MICAL3: variants seen among roughly 807,000 people sequenced by gnomAD.
The protein encoded by MICAL3 is [F-actin]-monooxygenase MICAL3.
In MICAL3, 62 loss-of-function variants were observed where a neutral mutation model predicts 207.4. The observed-to-expected ratio is 0.30, with a 90% CI of 0.24 to 0.37. The LOEUF is 0.37. MICAL3 is among the 10% of genes least tolerant of loss of function. The pLI, the probability that MICAL3 is intolerant of heterozygous loss-of-function variation, is 1.00. For synonymous variants in MICAL3, 1,077 were observed against 1,069.3 expected (o/e 1.01, Z -0.14); for missense variants, 2,368 against 2,635.6 (o/e 0.90, Z 2.22).
At chr22:17,874,595 G>C (rs1241882801) in intron 16 of MICAL3, among the ~76,000 whole-genome samples, 3 of 152,238 alleles carry the variant, frequency 2.0e-5, no homozygotes, top group Non-Finnish European at 4.4e-5. Context: ...AAGCATCCCT[G>C]CAAGAGAGGT....
intron 19 of MICAL3, chr22:17,861,810 T>A (rs572641779): frequency 7.1e-6 from 7 of 985,178 alleles, no homozygotes; most frequent in Non-Finnish European, 8.4e-6. Context: ...CTGTAAACAA[T>A]GCCCCCAAAC....
At chr22:17,927,915 C>T (rs899034359) in intron 1 of MICAL3, among the ~76,000 whole-genome samples, 3 of 152,164 alleles carry the variant, frequency 2.0e-5, no homozygotes, top group South Asian at 2.1e-4. Flanking sequence ...AGTGGCTCTG[C>T]GTCTGGTTTC....
chr22:17,934,673 C>T lies in MICAL3; in HGVS notation c.-74-27787G>A, dbSNP rs561358345. ...GGAAAAGAGGAAGTCAAATTGTCCC[C>T]GTTTGCAGATGACATGATTGTATAT... On this transcript the variant is annotated intron_variant, in intron 1 of 31. Transcript: ENST00000441493. Among the ~76,000 whole-genome samples the T allele has an allele frequency of 2.6e-5, 4 of 152,130 alleles. No individual in the cohort carries two copies. The East Asian group carries it at 5.8e-4, about 22-fold the overall frequency.
At chr22:17,935,101 A>C (rs1011379586) in intron 1 of MICAL3, among the ~76,000 whole-genome samples, 2 of 152,342 alleles carry the variant, frequency 1.3e-5, no homozygotes, top group Non-Finnish European at 1.5e-5. Flanking sequence ...ATGGAACCAA[A>C]AAAGAGCCCG....
intron 1 of MICAL3, among the ~76,000 whole-genome samples, chr22:17,973,814 G>C (rs1331201524): frequency 6.6e-6 from 1 of 152,116 alleles, no homozygotes; most frequent in Non-Finnish European, 1.5e-5. Flanking sequence ...CCAGCTACTG[G>C]GGAGGCTGAG....
chr22:17,823,188 C>A, intron 22 of MICAL3, 128 bp from the exon 23 acceptor site: 1 of 668,518 alleles, frequency 1.5e-6, no homozygotes. Context: ...AGGGGAGATG[C>A]TGCCAGGCCC....
At chr22:17,934,019 T>C (rs1933397821) in intron 1 of MICAL3, among the ~76,000 whole-genome samples, 1 of 152,150 alleles carries the variant, frequency 6.6e-6, no homozygotes, top group Admixed American at 6.5e-5. Context: ...ACCAGATGGA[T>C]TCACAGCCGA....
At chr22:17,831,715 T>C (rs908875151) in intron 21 of MICAL3, 139 bp downstream of exon 21, 13 of 1,381,026 alleles carry the variant, frequency 9.4e-6, no homozygotes, top group Admixed American at 2.7e-5. Flanking sequence ...CCCCATGTCT[T>C]ATGTCAGGAG....
rs1483165584 is a variant in MICAL3 at position 17,818,647 on chromosome 22, G to C, written c.4014C>G (p.Leu1338=). The part of the protein sequence containing the change: ...WMKSAEIRRS[L]GLTPVDRSKG... Reference sequence around the variant, plus strand: ...TGCTGCGGTCCACAGGTGTGAGCCCGAGGCTGCGGCGGATCTCCGCACTCT... The same window carrying C: ...TGCTGCGGTCCACAGGTGTGAGCCCCAGGCTGCGGCGGATCTCCGCACTCT... Residue 1338 remains leucine (L), a synonymous_variant, in exon 26 of 32, where the codon CTC becomes CTG. Transcript: ENST00000441493. 6.2e-7 allele frequency: 1 copy of C among 1,613,662 alleles called. No homozygotes were observed. The highest frequency in any genetic ancestry group is 8.5e-7 in the Non-Finnish European group (1 of 1,179,888).
intron 29 of MICAL3, among the ~76,000 whole-genome samples, chr22:17,804,377 G>A (rs968545763): frequency 6.6e-6 from 1 of 152,222 alleles, no homozygotes; most frequent in African/African-American, 2.4e-5. Context: ...CGACCCCACT[G>A]CTGACTCTAT....
chr22:17,900,543 A>G lies in MICAL3; in HGVS notation c.847+299T>C, dbSNP rs1931233813. On this transcript the variant is annotated intron_variant, in intron 6 of 31. Coordinates refer to ENST00000441493, the MANE Select transcript of MICAL3 (RefSeq NM_015241.3). This position sits in a 1 kb window ranked among gnomAD's most constrained non-coding sequence, Gnocchi z 4.0. The stretch of plus-strand genomic sequence containing the variant: ...CTTGAGCCCAGGAGTTCGAGGCTGC[A>G]GTGAGCCGAGATCACGCCACTGAAC... Among the ~76,000 whole-genome samples, 1 of 152,216 alleles carries G rather than the reference A, an allele frequency of 6.6e-6. No homozygotes were observed.
chr22:17,914,806 C>T (rs5746493), intron 1 of MICAL3, among the ~76,000 whole-genome samples: 46,028 of 152,178 alleles, frequency 0.3, 7,842 homozygotes, highest in East Asian at 0.56. Context: ...ACAGTGCTAA[C>T]ACAGTATGTA....
At chr22:17,811,808 G>A (rs1346409328) in intron 27 of MICAL3, among the ~76,000 whole-genome samples, 1 of 152,174 alleles carries the variant, frequency 6.6e-6, no homozygotes, top group Non-Finnish European at 1.5e-5. Flanking sequence ...GCAGTGATAC[G>A]ATCATGGCTC....
intron 1 of MICAL3, among the ~76,000 whole-genome samples, chr22:17,934,101 G>A (rs1354977472): frequency 6.6e-6 from 1 of 151,924 alleles, no homozygotes; most frequent in African/African-American, 2.4e-5. Context: ...GAAAAAGAGG[G>A]AATCCTCCCT....
chr22:17,798,872 A>G (rs1186588600), intron 29 of MICAL3, among the ~76,000 whole-genome samples: 1 of 151,550 alleles, frequency 6.6e-6, no homozygotes, highest in East Asian at 2.0e-4. Context: ...ATGGGGTTTC[A>G]CCATGTTAGC....
At chr22:17,949,997 A>T (rs1298637251) in intron 1 of MICAL3, among the ~76,000 whole-genome samples, 1 of 152,212 alleles carries the variant, frequency 6.6e-6, no homozygotes, top group Non-Finnish European at 1.5e-5. Flanking sequence ...GGGGTGGTCT[A>T]GAAAGGGAGA....
At chr22:17,915,822 C>T (rs372173777) in intron 1 of MICAL3, among the ~76,000 whole-genome samples, 15 of 151,988 alleles carry the variant, frequency 9.9e-5, no homozygotes, top group Non-Finnish European at 1.8e-4. Flanking sequence ...CTGGGTGTGG[C>T]GACTGATGAC....
chr22:17,977,397 C>T (rs1227256046), intron 1 of MICAL3, among the ~76,000 whole-genome samples: 1 of 152,066 alleles, frequency 6.6e-6, no homozygotes, highest in Non-Finnish European at 1.5e-5. Context: ...AGATATTTAT[C>T]TAAGGAAGAC....
At chr22:17,876,107 G>C (rs1289567142) in intron 16 of MICAL3, among the ~76,000 whole-genome samples, 2 of 152,140 alleles carry the variant, frequency 1.3e-5, no homozygotes, top group Non-Finnish European at 2.9e-5. Flanking sequence ...GCTTGCCAAA[G>C]AGCCAGCTGA....
Sources: gnomAD v4.1 joint callset for allele counts (sites outside exome capture counted in the v4.1 genomes callset) on GRCh38, gnomAD v4.1.1 for gene constraint, Gnocchi (gnomAD v3.1) non-coding constraint, MANE v1.5 for transcripts, NCBI Gene and HGNC (gene_info 2026-07-23, HGNC 2026-07-21) for gene names.